The following ITGB6 variants were observed in gnomAD, a reference collection of about 807,000 sequenced individuals.
The protein encoded by ITGB6 is integrin subunit beta 6.
A neutral mutation model predicts 84.5 loss-of-function variants in ITGB6; 80 were observed. That is an observed-to-expected ratio of 0.95 (90% confidence interval 0.79 to 1.14). The LOEUF (loss-of-function observed/expected upper bound fraction) is 1.14, where lower values mean the gene tolerates loss of function less well. Ranked by LOEUF, ITGB6 falls within the 50% of genes most tolerant of loss-of-function variation. The probability of loss-of-function intolerance (pLI) is 0.00; values close to 1 mark genes in which losing one functional copy is unlikely to be tolerated. For synonymous variants in ITGB6, 383 were observed against 354.9 expected (o/e 1.08, Z -0.89); for missense variants, 1,006 against 968.0 (o/e 1.04, Z -0.52).
chr2:160,117,352 T>G (rs891610718), intron 12 of ITGB6, among the ~76,000 whole-genome samples: 1 of 151,354 alleles, frequency 6.6e-6, no homozygotes. Context: ...GACTCAGGAT[T>G]AAGAAACTCA....
rs77904515 is a variant in ITGB6 at position 160,123,714 on chromosome 2, C to T, written c.1981+77G>A. ...TAAGGTCAAGCTACTAAATAGCCCT[C>T]GATTCACAGAGGGTCAAGAACTACG... On this transcript the variant is annotated intron_variant, in intron 12 of 14. Transcript: ENST00000283249. The T allele has an allele frequency of 2.1e-4, 227 of 1,085,802 alleles. No homozygotes were observed. The African/African-American group carries it at 3.0e-3, about 14-fold the overall frequency. The allele number at this position is 1,085,802 out of a possible 1,614,324, so 67.3% of individuals were successfully genotyped here.
intron 11 of ITGB6, among the ~76,000 whole-genome samples, chr2:160,124,929 A>T (rs1457235): frequency 0.66 from 100,372 of 152,060 alleles, 33,520 homozygotes; most frequent in Admixed American, 0.74. Context: ...TCTAGATTGT[A>T]TATTTATTTG....
chr2:160,159,548 G>A (rs1321681466), intron 7 of ITGB6, among the ~76,000 whole-genome samples: 3 of 152,124 alleles, frequency 2.0e-5, no homozygotes, highest in Non-Finnish European at 4.4e-5. Flanking sequence ...ACTTCCCACT[G>A]CCTTCAAGAT....
chr2:160,136,179 A>T (rs1683705485), intron 10 of ITGB6, among the ~76,000 whole-genome samples: 1 of 152,222 alleles, frequency 6.6e-6, no homozygotes, highest in East Asian at 1.9e-4. Context: ...AACATCCAGA[A>T]TCTACAAAGA....
chr2:160,137,064 G>GA (rs57756134), intron 10 of ITGB6, among the ~76,000 whole-genome samples: 74 of 143,598 alleles, frequency 5.2e-4, no homozygotes, highest in African/African-American at 1.6e-3. Flanking sequence ...AAAAAAAAAA[G>GA]AAAAAAAAAA....
At chr2:160,196,001 T>C (rs943773026) in intron 3 of ITGB6, among the ~76,000 whole-genome samples, 1 of 152,232 alleles carries the variant, frequency 6.6e-6, no homozygotes, top group Non-Finnish European at 1.5e-5. Flanking sequence ...AAATGGTTAC[T>C]ATTAGAGAAG....
rs1321876554 is a variant in ITGB6, at chr2:160,196,379, G to T, written c.183C>A (p.Thr61=). 1 of 1,613,688 alleles carries T rather than the reference G, an allele frequency of 6.2e-7. No individual in the cohort carries two copies. Among genetic ancestry groups the T allele is most frequent in the South Asian group, 1.1e-5 (1 of 91,058 alleles). Residue 61 remains threonine, a synonymous_variant, in exon 3 of 15, where the codon ACC becomes ACA. Coordinates refer to ENST00000283249, the MANE Select transcript of ITGB6 (RefSeq NM_000888.5). ...HPSGVGERCD[T]PANLLAKGCQ... ...ATCCTTTAGCTAAAAGGTTTGCTGG[G>T]GTATCACACCTTTCGCCAACTCCAG...
At chr2:160,111,648 C>T (rs539869826) in intron 13 of ITGB6, among the ~76,000 whole-genome samples, 19 of 145,978 alleles carry the variant, frequency 1.3e-4, no homozygotes, top group South Asian at 6.5e-4. Flanking sequence ...GGCGCGATCT[C>T]GGATCAACGC....
At chr2:160,186,661 C>A (rs925136679) in intron 4 of ITGB6, among the ~76,000 whole-genome samples, 1 of 152,160 alleles carries the variant, frequency 6.6e-6, no homozygotes, top group Non-Finnish European at 1.5e-5. Flanking sequence ...AAGACACATG[C>A]ACATGTATGT....
intron 11 of ITGB6, among the ~76,000 whole-genome samples, chr2:160,125,804 T>G (rs1278267843): frequency 1.2e-5 from 1 of 83,590 alleles, no homozygotes; most frequent in African/African-American, 4.4e-5. Flanking sequence ...ATTGTGCATA[T>G]GATATAAAAC....
At chr2:160,190,114 A>G (rs1194304607) in intron 4 of ITGB6, among the ~76,000 whole-genome samples, 3 of 151,596 alleles carry the variant, frequency 2.0e-5, no homozygotes. Flanking sequence ...ACAGAAAACC[A>G]AACACTGCAT....
In ITGB6 at chr2:160,101,363, C is replaced by A; in HGVS notation, c.*373G>T. On this transcript the variant is annotated 3_prime_UTR_variant, in exon 15 of 15. Coordinates refer to ENST00000283249, the MANE Select transcript of ITGB6 (RefSeq NM_000888.5). ...TAGACACACAATGTGAGTATATGGG[C>A]TTTGTGACTTTGCCGAGACAAAAAA... is the stretch of plus-strand genomic sequence containing the variant. The A allele has an allele frequency of 4.0e-6, 1 of 248,248 alleles. No homozygotes were observed. Among genetic ancestry groups the A allele is most frequent in the East Asian group, 1.4e-4 (1 of 7,062 alleles). The allele number at this position is 248,248 out of a possible 1,614,324, so 15.4% of individuals were successfully genotyped here. A position where few individuals can be genotyped will look rare whatever the true frequency, so the allele number is the denominator to read the frequency against.
At chr2:160,179,057 C>T (rs1041618146) in intron 4 of ITGB6, 1 of 152,072 alleles carries the variant, frequency 6.6e-6, no homozygotes, top group African/African-American at 2.4e-5. Flanking sequence ...GCACCTCTCA[C>T]CAAATTACTT....
At chr2:160,167,388 T>C (rs971311644) in intron 7 of ITGB6, among the ~76,000 whole-genome samples, 2 of 152,216 alleles carry the variant, frequency 1.3e-5, no homozygotes, top group Non-Finnish European at 2.9e-5. Flanking sequence ...GATGGAATGA[T>C]GAGCCCATCA....
chr2:160,153,208 C>G (rs1448951109), intron 7 of ITGB6, among the ~76,000 whole-genome samples: 1 of 152,150 alleles, frequency 6.6e-6, no homozygotes, highest in Non-Finnish European at 1.5e-5. Context: ...CTACAGTAAC[C>G]AAAGCAGCAT....
At chr2:160,124,222 C>T (rs1014170889) in intron 11 of ITGB6, among the ~76,000 whole-genome samples, 2 of 152,188 alleles carry the variant, frequency 1.3e-5, no homozygotes, top group African/African-American at 4.8e-5. Context: ...CTTTTTCCTA[C>T]AGAGAGCGTA....
rs188830413 is a variant in ITGB6, at chr2:160,177,361, T to C, written c.594-3222A>G. ...GTGGGCGGATCATGAGGTCAGGAGA[T>C]AGAGACCATCCTGGCTAACACGGTG... On this transcript the variant is annotated intron_variant, in intron 4 of 14. Transcript: ENST00000283249. Among the ~76,000 whole-genome samples the C allele has an allele frequency of 5.7e-3, 865 of 152,110 alleles. 6 individuals carry two copies. The highest frequency in any genetic ancestry group is 9.6e-3 in the Non-Finnish European group (654 of 67,998).
chr2:160,178,660 C>G (rs1279165860), intron 4 of ITGB6, among the ~76,000 whole-genome samples: 2 of 148,406 alleles, frequency 1.3e-5, no homozygotes, highest in Admixed American at 6.7e-5. Flanking sequence ...ATTTTCTTTT[C>G]TCTCTATCTT....
chr2:160,159,311 G>A (rs745392107), intron 7 of ITGB6, among the ~76,000 whole-genome samples: 2 of 152,154 alleles, frequency 1.3e-5, no homozygotes, highest in Non-Finnish European at 2.9e-5. Flanking sequence ...GGGTTTGTTA[G>A]TAAAGCTCCC....
Sources: gnomAD v4.1 joint callset for allele counts (sites outside exome capture counted in the v4.1 genomes callset) on GRCh38, gnomAD v4.1.1 for gene constraint, MANE v1.5 for transcripts, NCBI Gene and HGNC (gene_info 2026-07-23, HGNC 2026-07-21) for gene names.